The following TMEM200A variants were observed in gnomAD, a reference collection of about 807,000 sequenced individuals.
TMEM200A encodes the protein transmembrane protein 200A.
In TMEM200A, 12 loss-of-function variants were observed where a neutral mutation model predicts 24.3. That is an observed-to-expected ratio of 0.49 (90% CI 0.32 to 0.80). TMEM200A has a LOEUF of 0.80. TMEM200A is among the 30% of genes least tolerant of loss of function. TMEM200A has a pLI of 0.04. For missense variants in TMEM200A, 545 were observed against 614.4 expected, an observed-to-expected ratio of 0.89 and a Z score of 1.19; for synonymous variants, 224 against 224.4, an observed-to-expected ratio of 1.00 and a Z score of 0.02.
chr6:130,440,026 A>ATGTG (rs60406822), intron 2 of TMEM200A, among the ~76,000 whole-genome samples: 5 of 148,860 alleles, frequency 3.4e-5, no homozygotes, highest in African/African-American at 1.0e-4. Flanking sequence ...GTGTGTGTGT[A>ATGTG]TGTGTGTGTG....
chr6:130,420,498 C>T (rs1293178644), intron 2 of TMEM200A, among the ~76,000 whole-genome samples: 1 of 152,154 alleles, frequency 6.6e-6, no homozygotes, highest in Non-Finnish European at 1.5e-5. Context: ...AAGAGAGGAA[C>T]ATCTCTCCAC....
At chr6:130,402,625 GCTGTCTAC>G (rs1275909951) in intron 2 of TMEM200A, among the ~76,000 whole-genome samples, 1 of 151,620 alleles carries the variant, frequency 6.6e-6, no homozygotes, top group Non-Finnish European at 1.5e-5. Context: ...TTTCTTTCTT[GCTGTCTAC>G]CTATGGAATA....
intron 2 of TMEM200A, among the ~76,000 whole-genome samples, chr6:130,404,128 T>C (rs146677694): frequency 1.3e-5 from 2 of 152,218 alleles, no homozygotes; most frequent in Admixed American, 1.3e-4. Context: ...ACTGCTGCAA[T>C]GAACATAATA....
At chr6:130,385,079 G>A (rs1255584078) in intron 1 of TMEM200A, 94 bp from the exon 2 acceptor site, 2 of 152,214 alleles carry the variant, frequency 1.3e-5, no homozygotes, top group South Asian at 2.1e-4. Flanking sequence ...AAAGTAGAAA[G>A]AGGATTTGAT....
chr6:130,431,827 G>A (rs1175316739), intron 2 of TMEM200A, among the ~76,000 whole-genome samples: 4 of 152,130 alleles, frequency 2.6e-5, no homozygotes, highest in South Asian at 4.1e-4. Context: ...CAGAACAGGT[G>A]TAGATTTCTA....
At chr6:130,388,453 G>A (rs1778762653) in intron 2 of TMEM200A, among the ~76,000 whole-genome samples, 1 of 152,238 alleles carries the variant, frequency 6.6e-6, no homozygotes, top group Non-Finnish European at 1.5e-5. Context: ...TAGCCTCAGG[G>A]TGTGACAATT....
chr6:130,387,400 G>C (rs1308357625), intron 2 of TMEM200A, among the ~76,000 whole-genome samples: 1 of 152,118 alleles, frequency 6.6e-6, no homozygotes, highest in African/African-American at 2.4e-5. Context: ...AGCCTCCTGA[G>C]TAGCTGGGAT....
chr6:130,403,634 C>T (rs1004402172), intron 2 of TMEM200A, among the ~76,000 whole-genome samples: 6 of 141,830 alleles, frequency 4.2e-5, no homozygotes, highest in Non-Finnish European at 6.0e-5. Flanking sequence ...ACTTTGTTTT[C>T]ATTTTGCTAT....
chr6:130,412,189 A>AT lies in TMEM200A; in HGVS notation c.-17+26967dup, dbSNP rs71762414. ...ATTAGCTACTTCTCCCAGAAGCCTG[A>AT]TTTTTTTTTTTTTTCTTTTTAGTGG... On this transcript the variant is annotated intron_variant, in intron 2 of 2. Coordinates refer to ENST00000296978, the MANE Select transcript of TMEM200A (RefSeq NM_001258277.2). 3.5e-3 allele frequency among the ~76,000 whole-genome samples: 471 copies of AT among 135,120 alleles called. 1 individual carries two copies. Among genetic ancestry groups the AT allele is most frequent in the African/African-American group, 4.7e-3 (165 of 35,022 alleles). 88.6% of individuals were successfully genotyped at this position (135,120 alleles called of 152,430 possible). A position where few individuals can be genotyped will look rare whatever the true frequency, so the allele number is the denominator to read the frequency against.
At chr6:130,438,806 A>C (rs1273025180) in intron 2 of TMEM200A, 4 of 152,232 alleles carry the variant, frequency 2.6e-5, no homozygotes, top group African/African-American at 9.6e-5. Context: ...GTGCCATAGA[A>C]AACTTGCTAT....
intron 1 of TMEM200A, among the ~76,000 whole-genome samples, chr6:130,384,367 G>A (rs547354541): frequency 3.9e-5 from 6 of 152,158 alleles, no homozygotes; most frequent in East Asian, 1.9e-4. Context: ...GCCAGAAAGC[G>A]GTAGCATGAT....
Position 130,366,155 on chromosome 6 carries a change from G to A in TMEM200A, c.-450G>A. 1 of 985,444 alleles carries A rather than the reference G, an allele frequency of 1.0e-6. No individual in the cohort carries two copies. Among genetic ancestry groups the A allele is most frequent in the Non-Finnish European group, 1.2e-6 (1 of 829,958 alleles). The allele number at this position is 985,444 out of a possible 1,614,324, so 61.0% of individuals were successfully genotyped here. ...TGCGCCCGGTGCCCTCCGAGGGCAG[G>A]CGCGCCTGGACTCTGCGCCCGGATG... On this transcript the variant is annotated 5_prime_UTR_variant, in exon 1 of 3. Coordinates refer to ENST00000296978, the MANE Select transcript of TMEM200A (RefSeq NM_001258277.2). This position sits in a 1 kb window ranked among gnomAD's most constrained non-coding sequence, Gnocchi z 4.4.
At chr6:130,396,367 T>TG (rs1345871430) in intron 2 of TMEM200A, among the ~76,000 whole-genome samples, 2 of 150,622 alleles carry the variant, frequency 1.3e-5, no homozygotes, top group Non-Finnish European at 3.0e-5. Context: ...CCAGTCTGTT[T>TG]TTTTTTTTTT....
At chr6:130,427,491 G>A (rs1779772756) in intron 2 of TMEM200A, among the ~76,000 whole-genome samples, 1 of 151,958 alleles carries the variant, frequency 6.6e-6, no homozygotes, top group South Asian at 2.1e-4. Flanking sequence ...GTGCTGCAGT[G>A]AACATCCTTA....
Position 130,442,131 on chromosome 6 carries a change from C to CTT in TMEM200A, c.*236_*237dup. On this transcript the variant is annotated 3_prime_UTR_variant, in exon 3 of 3. Coordinates refer to ENST00000296978, the MANE Select transcript of TMEM200A (RefSeq NM_001258277.2). ...TTCTCTTCCTTTGAAAGCATGATCT[C>CTT]TTTTATTAATATGAATGCAAAATGC... 2.6e-6 allele frequency: 1 copy of CTT among 383,648 alleles called. No homozygotes were observed. The highest frequency in any genetic ancestry group is 4.8e-6 in the Non-Finnish European group (1 of 206,872). The allele number at this position is 383,648 out of a possible 1,614,324, so 23.8% of individuals were successfully genotyped here.
chr6:130,434,651 CA>C (rs760174252), intron 2 of TMEM200A, among the ~76,000 whole-genome samples: 2 of 151,946 alleles, frequency 1.3e-5, no homozygotes, highest in East Asian at 3.9e-4. Flanking sequence ...AGTATGAGAA[CA>C]AAAATAGGAG....
chr6:130,427,054 C>T (rs1779761806), intron 2 of TMEM200A, among the ~76,000 whole-genome samples: 1 of 151,998 alleles, frequency 6.6e-6, no homozygotes, highest in Non-Finnish European at 1.5e-5. Context: ...GCATTTTTGC[C>T]TCGAAGGCTA....
At chr6:130,373,463 C>T (rs1396466279) in intron 1 of TMEM200A, among the ~76,000 whole-genome samples, 2 of 152,060 alleles carry the variant, frequency 1.3e-5, no homozygotes, top group Non-Finnish European at 2.9e-5. Context: ...GTATTACAAC[C>T]TACTCTGTTT....
chr6:130,370,822 C>T (rs187422417), intron 1 of TMEM200A, among the ~76,000 whole-genome samples: 1 of 152,200 alleles, frequency 6.6e-6, no homozygotes. Flanking sequence ...TTCCAAAAGC[C>T]CTGCCCATCT....
Sources: gnomAD v4.1 joint callset for allele counts (sites outside exome capture counted in the v4.1 genomes callset) on GRCh38, gnomAD v4.1.1 for gene constraint, Gnocchi (gnomAD v3.1) non-coding constraint, MANE v1.5 for transcripts, NCBI Gene and HGNC (gene_info 2026-07-23, HGNC 2026-07-21) for gene names.